Variants in ANKRD35 observed in about 807,000 individuals in gnomAD.
The protein encoded by ANKRD35 is ankyrin repeat domain-containing protein 35.
Under a neutral mutation model 109.9 loss-of-function variants are expected in ANKRD35, and 102 were observed. That is an observed-to-expected ratio of 0.93 (90% CI 0.79 to 1.09). The LOEUF is 1.09. ANKRD35 is among the 50% of genes least tolerant of loss of function. ANKRD35 has a pLI of 0.00. For synonymous variants in ANKRD35, 515 were observed against 512.4 expected, an observed-to-expected ratio of 1.01 and a Z score of -0.07; for missense variants, 1,240 against 1,230.1, an observed-to-expected ratio of 1.01 and a Z score of -0.12.
At chr1:145,882,646 T>C (rs1462003372) in intron 1 of ANKRD35, among the ~76,000 whole-genome samples, 1 of 152,160 alleles carries the variant, frequency 6.6e-6, no homozygotes, top group Admixed American at 6.5e-5. Flanking sequence ...ATTTACTTCC[T>C]ATAATCTCAT....
intron 10 of ANKRD35, 100 bp from the exon 11 acceptor site, chr1:145,868,500 A>G (rs1223876784): frequency 3.2e-6 from 3 of 925,582 alleles, no homozygotes; most frequent in East Asian, 5.0e-5. Context: ...ATATGTGCCA[A>G]TTTTATACAA....
chr1:145,881,542 G>A (rs1389245725), intron 1 of ANKRD35, among the ~76,000 whole-genome samples: 73 of 152,160 alleles, frequency 4.8e-4, no homozygotes, highest in Admixed American at 4.8e-3. Flanking sequence ...ATGTAAGAAC[G>A]CATTTTCTAA....
In ANKRD35 at chr1:145,867,406, G is replaced by A. The variant is rs368996699; in HGVS notation, c.2944-14C>T. On this transcript the variant is annotated splice_polypyrimidine_tract_variant and intron_variant, in intron 12 of 13. Transcript: ENST00000355594. ...TTCCATGTAACCCTGTAGATGTCAG[G>A]AAAGGAAGAAAAGGAGATGAAGAAC... is the stretch of plus-strand genomic sequence containing the variant. 7 of 1,612,230 alleles carry A rather than the reference G, an allele frequency of 4.3e-6. No individual in the cohort carries two copies. In the African/African-American group the frequency reaches 6.7e-5, roughly 15 times the overall value.
Position 145,877,951 on chromosome 1 carries a change from C to T in ANKRD35, c.324+17G>A, listed in dbSNP as rs376148459. Reference sequence around the variant, plus strand: ...CTTCTTCCCTTCATAAGAGTGGTATCAAGGGACTGCTCTTACCTGAAGCAG... The same window carrying T: ...CTTCTTCCCTTCATAAGAGTGGTATTAAGGGACTGCTCTTACCTGAAGCAG... On this transcript the variant is annotated intron_variant, in intron 4 of 13. Coordinates refer to ENST00000355594, the MANE Select transcript of ANKRD35 (RefSeq NM_144698.5). 1.0e-4 allele frequency: 161 copies of T among 1,612,388 alleles called. 1 individual carries two copies. In the African/African-American group the frequency reaches 2.0e-3, roughly 20 times the overall value.
intron 8 of ANKRD35, 50 bp from the exon 9 acceptor site, chr1:145,874,242 C>T: frequency 1.3e-6 from 2 of 1,588,854 alleles, no homozygotes; most frequent in Non-Finnish European, 1.7e-6. Context: ...GTTCCATGTA[C>T]TTCCAGCCCA....
chr1:145,876,904 G>A, intron 4 of ANKRD35, 31 bp from the exon 5 acceptor site: 1 of 1,613,158 alleles, frequency 6.2e-7, no homozygotes, highest in Non-Finnish European at 8.5e-7. Flanking sequence ...AAGCAGCATG[G>A]AGCTTGGTGT....
chr1:145,867,775 G>T (rs1429767662), intron 12 of ANKRD35, among the ~76,000 whole-genome samples: 1 of 152,160 alleles, frequency 6.6e-6, no homozygotes, highest in African/African-American at 2.4e-5. Context: ...CTATAGGCCA[G>T]AGAATTGAAA....
In ANKRD35 at chr1:145,872,528, C is replaced by G; in HGVS notation, c.2241G>C (p.Leu747=). The change falls in exon 10 of 14, where the codon CTG becomes CTC. Residue 747 remains leucine (L), a synonymous_variant. Coordinates refer to ENST00000355594, the MANE Select transcript of ANKRD35 (RefSeq NM_144698.5). ...GCTGGTTTTCTTCTTGCAGCCGAGC[C>G]AGCACCTGCTGGGCCTCCCGGTGCC... ...VDRHREAQQV[L]ARLQEENQQL... is the part of the protein sequence containing the mutation. 1 of 1,605,802 alleles carries G rather than the reference C, an allele frequency of 6.2e-7. No homozygotes were observed. Among genetic ancestry groups the G allele is most frequent in the East Asian group, 2.2e-5 (1 of 44,582 alleles).
intron 10 of ANKRD35, among the ~76,000 whole-genome samples, chr1:145,871,717 G>A (rs1653828247): frequency 6.6e-6 from 1 of 152,132 alleles, no homozygotes; most frequent in Admixed American, 6.5e-5. Context: ...GCAGCCCTGA[G>A]CACACTGCTT....
intron 1 of ANKRD35, among the ~76,000 whole-genome samples, chr1:145,881,949 CTT>C (rs782253954): frequency 1.3e-4 from 14 of 104,640 alleles, no homozygotes; most frequent in Middle Eastern, 0.015. Context: ...CTTTCCCCTT[CTT>C]TTTTTTTTTT....
rs782532029 is a variant in ANKRD35, at chr1:145,885,803, G to A, written c.-45C>T. Reference sequence around the variant, plus strand: ...GGGGATGGGGACGCGCAGAGAGCCGGGCCACAGGTTCCCGAACCCACCGGA... The same window carrying A: ...GGGGATGGGGACGCGCAGAGAGCCGAGCCACAGGTTCCCGAACCCACCGGA... On this transcript the variant is annotated 5_prime_UTR_variant, in exon 1 of 14. Transcript: ENST00000355594. 6.7e-7 allele frequency: 1 copy of A among 1,486,770 alleles called. No individual in the cohort carries two copies. Among genetic ancestry groups the A allele is most frequent in the Non-Finnish European group, 9.4e-7 (1 of 1,065,012 alleles). The allele number at this position is 1,486,770 out of a possible 1,614,324, so 92.1% of individuals were successfully genotyped here. A position where few individuals can be genotyped will look rare whatever the true frequency, so the allele number is the denominator to read the frequency against.
chr1:145,869,393 G>T (rs1418213404), intron 10 of ANKRD35, among the ~76,000 whole-genome samples: 2 of 152,138 alleles, frequency 1.3e-5, no homozygotes, highest in Non-Finnish European at 2.9e-5. Flanking sequence ...CGTTGGCCAG[G>T]CTGGTCTCGA....
In ANKRD35 at chr1:145,872,039, C is replaced by T. The variant is rs1553738742; in HGVS notation, c.2730G>A (p.Glu910=). Residue 910 remains glutamate (E), a synonymous_variant, in exon 10 of 14, where the codon GAG becomes GAA. Coordinates refer to ENST00000355594, the MANE Select transcript of ANKRD35 (RefSeq NM_144698.5). ...GATGCTCCATCTTCTCTTTCAGCAGCTCTGCCGTTTTCTCAAACTGCTCGG... is the reference window on the plus strand; with the variant it reads ...GATGCTCCATCTTCTCTTTCAGCAGTTCTGCCGTTTTCTCAAACTGCTCGG... ...GRSEQFEKTA[E]LLKEKMEHLI... 1.2e-6 allele frequency: 2 copies of T among 1,613,508 alleles called. No homozygotes were observed. The highest frequency in any genetic ancestry group is 1.3e-5 in the African/African-American group (1 of 74,932).
At chr1:145,871,263 A>G (rs1411068400) in intron 10 of ANKRD35, among the ~76,000 whole-genome samples, 2 of 136,980 alleles carry the variant, frequency 1.5e-5, no homozygotes, top group African/African-American at 5.6e-5. Flanking sequence ...TCTCTGGTTC[A>G]GGCGATTCTC....
Position 145,872,730 on chromosome 1 carries a change from A to C in ANKRD35, c.2039T>G (p.Leu680Arg). 1.2e-6 allele frequency: 2 copies of C among 1,614,012 alleles called. No individual in the cohort carries two copies. Among genetic ancestry groups the C allele is most frequent in the East Asian group, 4.5e-5 (2 of 44,862 alleles). Residue 680 changes from leucine to arginine, a missense_variant, in exon 10 of 14, where the codon CTG (leucine) becomes CGG (arginine). Coordinates refer to ENST00000355594, the MANE Select transcript of ANKRD35 (RefSeq NM_144698.5). ...RQSVGLLTNELAMEKEATEKL... is the reference protein window; with the variant it reads ...RQSVGLLTNERAMEKEATEKL... ...CTCTGTGGCCTCCTTCTCCATGGCCAGTTCATTTGTCAGCAGCCCCACACT... is the reference window on the plus strand; with the variant it reads ...CTCTGTGGCCTCCTTCTCCATGGCCCGTTCATTTGTCAGCAGCCCCACACT...
Position 145,879,318 on chromosome 1 carries a change from G to A in ANKRD35, c.110C>T (p.Ala37Val). Residue 37 changes from alanine (A) to valine (V), a missense_variant, in exon 2 of 14, where the codon GCT becomes GTT. Transcript: ENST00000355594. Reference sequence around the variant, plus strand: ...GGCAGATTTCCTGGAGGCCAGGGCAGCCACGCGTCCCACATCCCCCCTGTG... The same window carrying A: ...GGCAGATTTCCTGGAGGCCAGGGCAACCACGCGTCCCACATCCCCCCTGTG... ...AVHRGDVGRV[A>V]ALASRKSARP... The A allele has an allele frequency of 1.2e-6, 2 of 1,611,580 alleles. No homozygotes were observed. Among genetic ancestry groups the A allele is most frequent in the South Asian group, 1.1e-5 (1 of 90,570 alleles).
intron 4 of ANKRD35, 28 bp downstream of exon 4, chr1:145,877,940 A>G (rs782632072): frequency 1.2e-6 from 2 of 1,609,020 alleles, no homozygotes; most frequent in South Asian, 2.2e-5. Context: ...TTCCCTTCAT[A>G]AGAGTGGTAT....
chr1:145,872,960 CT>C lies in ANKRD35; in HGVS notation c.1808del (p.Lys603ArgfsTer3). The stretch of plus-strand genomic sequence containing the variant: ...GTCCCTTTGCCAGGCCTCCTAGGGC[CT>C]TTTCCCCTCCAAGGGCCCCTAGAGG... ...GEPLGALGGE[K>X]ALGGLAKGQL... On this transcript the variant is annotated frameshift_variant, in exon 10 of 14. Coordinates refer to ENST00000355594, the MANE Select transcript of ANKRD35 (RefSeq NM_144698.5). LOFTEE classifies it high-confidence loss of function. 1.2e-6 allele frequency: 2 copies of C among 1,610,218 alleles called. No individual in the cohort carries two copies. The highest frequency in any genetic ancestry group is 1.7e-6 in the Non-Finnish European group (2 of 1,177,910).
rs782139836 is a variant in ANKRD35 at position 145,868,331 on chromosome 1, G to A, written c.2857C>T (p.Arg953Cys). 34 of 1,614,010 alleles carry A rather than the reference G, an allele frequency of 2.1e-5. No homozygotes were observed. The highest frequency in any genetic ancestry group is 1.6e-4 in the Middle Eastern group (1 of 6,084). The change falls in exon 11 of 14, where the codon CGC becomes TGC. Residue 953 changes from arginine (R) to cysteine (C), a missense_variant. Transcript: ENST00000355594. Reference sequence around the variant, plus strand: ...CATACCTGCAGCTGCAGGGCAAGGCGAGCATTTTCTCCCCGAATTGCTAGA... The same window carrying A: ...CATACCTGCAGCTGCAGGGCAAGGCAAGCATTTTCTCCCCGAATTGCTAGA... The part of the protein sequence containing the change: ...EVLAIRGENA[R>C]LALQLQDSQK...
Sources: allele counts gnomAD v4.1 joint callset (sites outside exome capture counted in the v4.1 genomes callset), GRCh38; gene constraint gnomAD v4.1.1; transcripts MANE v1.5; gene names NCBI Gene and HGNC (gene_info 2026-07-23, HGNC 2026-07-21).